ITIH3: variants seen among roughly 807,000 people sequenced by gnomAD.
The protein encoded by ITIH3 is inter-alpha-trypsin inhibitor heavy chain H3.
A neutral mutation model predicts 96.5 loss-of-function variants in ITIH3; 81 were observed. The observed-to-expected ratio is 0.84, with a 90% CI of 0.70 to 1.01. ITIH3 has a LOEUF of 1.01. ITIH3 is among the 50% of genes least tolerant of loss of function. The pLI, the probability that ITIH3 is intolerant of heterozygous loss-of-function variation, is 0.00. For missense variants in ITIH3, 1,057 were observed against 1,139.3 expected, an observed-to-expected ratio of 0.93 and a Z score of 1.04; for synonymous variants, 422 against 445.2, an observed-to-expected ratio of 0.95 and a Z score of 0.66.
Position 52,808,745 on chromosome 3 carries a change from CAG to C in ITIH3, c.*69_*70del. On this transcript the variant is annotated 3_prime_UTR_variant, in exon 22 of 22. Coordinates refer to ENST00000449956, the MANE Select transcript of ITIH3 (RefSeq NM_002217.4). Reference sequence around the variant, plus strand: ...TTTTATGGCATCTGGAACATGGGCACAGAGAGGGGCCTGTGGGAGGGGCTGGG... The same window carrying C: ...TTTTATGGCATCTGGAACATGGGCACAGAGGGGCCTGTGGGAGGGGCTGGG... 2 of 1,572,998 alleles carry C rather than the reference CAG, an allele frequency of 1.3e-6. No individual in the cohort carries two copies. Among genetic ancestry groups the C allele is most frequent in the Non-Finnish European group, 1.7e-6 (2 of 1,146,290 alleles).
Position 52,808,188 on chromosome 3 carries a change from T to C in ITIH3, c.2510T>C (p.Leu837Ser). ...GACCCCACAAAGCCAGATGCCACAT[T>C]GGTGGTGAAGAACCATCAGCTGATT... ...GSDPTKPDATLVVKNHQLIVT... is the reference protein window; with the variant it reads ...GSDPTKPDATSVVKNHQLIVT... Residue 837 changes from leucine (L) to serine (S), a missense_variant, in exon 21 of 22, where the codon TTG becomes TCG. By Grantham distance (145) the Leu-to-Ser change is moderately radical (BLOSUM62 -2). Coordinates refer to ENST00000449956, the MANE Select transcript of ITIH3 (RefSeq NM_002217.4). 6.2e-7 allele frequency: 1 copy of C among 1,614,186 alleles called. No individual in the cohort carries two copies. Among genetic ancestry groups the C allele is most frequent in the South Asian group, 1.1e-5 (1 of 91,080 alleles).
rs79706593 is a variant in ITIH3, at chr3:52,800,679, A to G, written c.1201+16A>G. 3.0e-3 allele frequency: 4,867 copies of G among 1,597,462 alleles called. 148 individuals carry two copies. The African/African-American group carries it at 0.055, about 18-fold the overall frequency. On this transcript the variant is annotated intron_variant, in intron 10 of 21. Transcript: ENST00000449956. ...GCCAATGTTGGTGAGGAGCACGGGC[A>G]TGGTTTTGAGCTAGGGCTGGAGTGC...
rs1186343807 is a variant in ITIH3 at position 52,798,918 on chromosome 3, G to A, written c.664-48G>A. The stretch of plus-strand genomic sequence containing the variant: ...AGCTAAGGGCTGAGGTCTCCCAGTG[G>A]GCAGGCCCTGGCCGAGCTGAGCAAG... On this transcript the variant is annotated intron_variant, in intron 6 of 21. Coordinates refer to ENST00000449956, the MANE Select transcript of ITIH3 (RefSeq NM_002217.4). 1.9e-6 allele frequency: 3 copies of A among 1,603,660 alleles called. No individual in the cohort carries two copies. In the South Asian group the frequency reaches 3.4e-5, roughly 18 times the overall value.
At chr3:52,798,931 C>T (rs201504375) in intron 6 of ITIH3, 35 bp from the exon 7 acceptor site, 21 of 1,608,002 alleles carry the variant, frequency 1.3e-5, no homozygotes, top group Admixed American at 3.4e-5. Context: ...AGGCCCTGGC[C>T]GAGCTGAGCA....
Position 52,797,943 on chromosome 3 carries a change from C to T in ITIH3, c.663+13C>T. On this transcript the variant is annotated intron_variant, in intron 6 of 21. Coordinates refer to ENST00000449956, the MANE Select transcript of ITIH3 (RefSeq NM_002217.4). ...CTCAGGGAAAAAGGTGATGTAGATG[C>T]CTCTCAGACCTGGTGGGGCAGGGGA... 1 of 1,475,886 alleles carries T rather than the reference C, an allele frequency of 6.8e-7. No individual in the cohort carries two copies. 91.4% of individuals were successfully genotyped at this position (1,475,886 alleles called of 1,614,324 possible).
intron 19 of ITIH3, among the ~76,000 whole-genome samples, chr3:52,807,365 T>C (rs1004242154): frequency 6.6e-6 from 1 of 152,172 alleles, no homozygotes; most frequent in African/African-American, 2.4e-5. Context: ...ATGGCCCCCA[T>C]TTGCCTCTTC....
At position 52,796,526 on chromosome 3, in the gene ITIH3, GTGACC is replaced by G; in HGVS notation, c.162_166del (p.Thr55ProfsTer24). 4 of 1,613,430 alleles carry G rather than the reference GTGACC, an allele frequency of 2.5e-6. No individual in the cohort carries two copies. Among genetic ancestry groups the G allele is most frequent in the African/African-American group, 1.3e-5 (1 of 75,022 alleles). ...CTACAGTACCAAAATCAACTCCAAG[GTGACC>G]TCCCGTTTTGCTCACAATGTTGTCA... On this transcript the variant is annotated frameshift_variant, in exon 3 of 22. Coordinates refer to ENST00000449956, the MANE Select transcript of ITIH3 (RefSeq NM_002217.4). LOFTEE classifies it high-confidence loss of function.
In ITIH3 at chr3:52,808,126, C is replaced by G. The variant is rs767743063; in HGVS notation, c.2448C>G (p.Pro816=). The change falls in exon 21 of 22, where the codon CCC becomes CCG. Residue 816 remains proline, a synonymous_variant. Transcript: ENST00000449956. ...TCTTCCCAGGGCAATTCTTCCAACC[C>G]TTTGACTTTAAAGTGTCTGACATCC... ...THGLLGQFFQ[P]FDFKVSDIRP... 19 of 1,614,050 alleles carry G rather than the reference C, an allele frequency of 1.2e-5. No homozygotes were observed. The highest frequency in any genetic ancestry group is 1.4e-5 in the Non-Finnish European group (17 of 1,179,992).
Position 52,799,892 on chromosome 3 carries a change from C to G in ITIH3, c.1046C>G (p.Thr349Arg). 1 of 1,613,820 alleles carries G rather than the reference C, an allele frequency of 6.2e-7. No individual in the cohort carries two copies. Among genetic ancestry groups the G allele is most frequent in the Non-Finnish European group, 8.5e-7 (1 of 1,179,800 alleles). Residue 349 changes from threonine (T) to arginine (R), a missense_variant, in exon 9 of 22, where the codon ACG becomes AGG. Physicochemically the swap from Thr to Arg is moderately conservative, Grantham distance 71. Transcript: ENST00000449956. ...CCCGAGAACCTCCAGGAGGCCAGGACGTTTGTGAAGAGCATGGAGGATAAA... is the reference window on the plus strand; with the variant it reads ...CCCGAGAACCTCCAGGAGGCCAGGAGGTTTGTGAAGAGCATGGAGGATAAA... The part of the protein sequence containing the change: ...ATPENLQEAR[T>R]FVKSMEDKGM...
intron 8 of ITIH3, 51 bp downstream of exon 8, chr3:52,799,539 G>A: frequency 7.3e-7 from 1 of 1,365,554 alleles, no homozygotes; most frequent in Non-Finnish European, 1.0e-6. Flanking sequence ...GGGGGTGGAA[G>A]AGATTTTTTT....
chr3:52,807,940 C>A (rs573199460), intron 20 of ITIH3, 24 bp downstream of exon 20: 15 of 1,607,444 alleles, frequency 9.3e-6, no homozygotes, highest in Middle Eastern at 1.7e-4. Flanking sequence ...AGACTGCAGG[C>A]TGTTCAGGCC....
intron 13 of ITIH3, 131 bp from the exon 14 acceptor site, chr3:52,803,724 C>A (rs1699932275): frequency 5.1e-6 from 5 of 983,954 alleles, no homozygotes; most frequent in South Asian, 4.8e-5. Flanking sequence ...CCCAACTGGG[C>A]TGTACCCTGG....
chr3:52,797,312 C>T (rs1441614806), intron 5 of ITIH3, 45 bp downstream of exon 5: 4 of 1,559,190 alleles, frequency 2.6e-6, no homozygotes, highest in Non-Finnish European at 3.5e-6. Context: ...CAGCGGGGTG[C>T]AGGAACCCGC....
chr3:52,801,083 C>T lies in ITIH3; in HGVS notation c.1320C>T (p.Ala440=). 6.2e-7 allele frequency: 1 copy of T among 1,609,824 alleles called. No individual in the cohort carries two copies. Among genetic ancestry groups the T allele is most frequent in the Non-Finnish European group, 8.5e-7 (1 of 1,177,966 alleles). Residue 440 remains alanine (A), a synonymous_variant, in exon 11 of 22, where the codon GCC becomes GCT. Transcript: ENST00000449956. ...ATTATAACTTCCTGGAGAACATGGC[C>T]CTGGAGAACCATGGGTTTGCCCGGC... ...NLNYNFLENM[A]LENHGFARRI...
chr3:52,808,669 C>G lies in ITIH3; in HGVS notation c.2661C>G (p.Pro887=). ...GTGTCCACACTGACTACATTGTCCC[C>G]AACCTGTTTTGAGTAGACACACCAG... ...IDGVHTDYIV[P]NLF The change falls in exon 22 of 22, where the codon CCC becomes CCG. Residue 887 remains proline (P), a synonymous_variant. Transcript: ENST00000449956. 6.2e-7 allele frequency: 1 copy of G among 1,609,966 alleles called. No individual in the cohort carries two copies. The highest frequency in any genetic ancestry group is 8.5e-7 in the Non-Finnish European group (1 of 1,176,476).
intron 4 of ITIH3, 93 bp from the exon 5 acceptor site, chr3:52,797,012 T>C: frequency 6.9e-7 from 1 of 1,441,166 alleles, no homozygotes; most frequent in Non-Finnish European, 9.4e-7. Context: ...GTTAGGGATC[T>C]CCCTCGCCAA....
intron 2 of ITIH3, 27 bp from the exon 3 acceptor site, chr3:52,796,454 G>A: frequency 6.2e-7 from 1 of 1,603,304 alleles, no homozygotes; most frequent in Non-Finnish European, 8.5e-7. Flanking sequence ...TCCCAGTCTG[G>A]CTGATTCTCC....
chr3:52,801,674 A>G (rs575796971), intron 11 of ITIH3, among the ~76,000 whole-genome samples: 44 of 151,972 alleles, frequency 2.9e-4, no homozygotes, highest in African/African-American at 1.0e-3. Context: ...TCTGTGTCCA[A>G]CTCCCCTTTT....
chr3:52,797,323 C>A, intron 5 of ITIH3, 56 bp downstream of exon 5: 1 of 1,532,280 alleles, frequency 6.5e-7, no homozygotes, highest in Non-Finnish European at 8.9e-7. Context: ...AGGAACCCGC[C>A]CATGGGGCAG....
Sources: allele counts gnomAD v4.1 joint callset (sites outside exome capture counted in the v4.1 genomes callset), GRCh38; gene constraint gnomAD v4.1.1; transcripts MANE v1.5; gene names NCBI Gene and HGNC (gene_info 2026-07-23, HGNC 2026-07-21).